Variants in FMN2 observed in about 807,000 individuals in gnomAD.
The protein encoded by FMN2 is formin 2, also known as formin-2.
Under a neutral mutation model 142.3 loss-of-function variants are expected in FMN2, and 51 were observed. That is an observed-to-expected ratio of 0.36 (90% confidence interval 0.29 to 0.45). The LOEUF (loss-of-function observed/expected upper bound fraction) is 0.45. FMN2 is among the 20% of genes least tolerant of loss of function. FMN2 has a pLI of 1.00. For synonymous variants in FMN2, 882 were observed against 869.8 expected (o/e 1.01, Z -0.25); for missense variants, 1,936 against 2,122.8 (o/e 0.91, Z 1.73).
At chr1:240,418,274 A>T (rs1674649776) in intron 15 of FMN2, among the ~76,000 whole-genome samples, 1 of 149,320 alleles carries the variant, frequency 6.7e-6, no homozygotes, top group South Asian at 2.1e-4. Context: ...ATCTCAGCTC[A>T]CTGCAACCTC....
intron 8 of FMN2, among the ~76,000 whole-genome samples, chr1:240,313,337 A>G (rs1290589538): frequency 6.6e-6 from 1 of 152,216 alleles, no homozygotes; most frequent in African/African-American, 2.4e-5. Flanking sequence ...TAATAAATCT[A>G]TATACATAAC....
chr1:240,264,086 C>T (rs1000888783), intron 7 of FMN2, among the ~76,000 whole-genome samples: 5 of 151,946 alleles, frequency 3.3e-5, no homozygotes, highest in African/African-American at 1.2e-4. Context: ...GATTGCTTTC[C>T]CAAACAGTTT....
In FMN2 at chr1:240,453,957, CCG is replaced by C. The variant is rs1676142133; in HGVS notation, c.5060+15749_5060+15750del. Reference sequence around the variant, plus strand: ...TGAGCCGAGATTGCGCCACTGCAGTCCGCAGTCCGGCCTGGGCGACAGAGCGA... The same window carrying C: ...TGAGCCGAGATTGCGCCACTGCAGTCCAGTCCGGCCTGGGCGACAGAGCGA... On this transcript the variant is annotated intron_variant, in intron 16 of 17. Coordinates refer to ENST00000319653, the MANE Select transcript of FMN2 (RefSeq NM_020066.5). Among the ~76,000 whole-genome samples, 2 of 10,132 alleles carry C rather than the reference CCG, an allele frequency of 2.0e-4. 1 individual carries two copies. The highest frequency in any genetic ancestry group is 6.5e-4 in the Non-Finnish European group (2 of 3,076). 6.6% of individuals were successfully genotyped at this position (10,132 alleles called of 152,430 possible).
intron 13 of FMN2, among the ~76,000 whole-genome samples, chr1:240,337,214 T>TC (rs1558440626): frequency 7.0e-6 from 1 of 142,732 alleles, no homozygotes; most frequent in African/African-American, 2.8e-5. Flanking sequence ...TTTTTTTTTT[T>TC]TTTTTTTTTT....
At chr1:240,195,030 T>C (rs1339048218) in intron 4 of FMN2, among the ~76,000 whole-genome samples, 1 of 152,220 alleles carries the variant, frequency 6.6e-6, no homozygotes, top group Non-Finnish European at 1.5e-5. Context: ...CTCTTTATCA[T>C]TATTGTTGTT....
chr1:240,116,423 C>T (rs1571942366), intron 1 of FMN2, among the ~76,000 whole-genome samples: 1 of 152,142 alleles, frequency 6.6e-6, no homozygotes, highest in Non-Finnish European at 1.5e-5. Flanking sequence ...CCAGGAAGCA[C>T]TCCGACATTG....
chr1:240,413,211 A>G (rs139385604), intron 15 of FMN2, among the ~76,000 whole-genome samples: 106 of 151,448 alleles, frequency 7.0e-4, no homozygotes, highest in African/African-American at 2.2e-3. Flanking sequence ...CCCCAACCAA[A>G]TAATCAGGAT....
intron 16 of FMN2, among the ~76,000 whole-genome samples, chr1:240,454,453 GCTCA>G (rs1479479904): frequency 6.6e-6 from 1 of 152,092 alleles, no homozygotes; most frequent in Non-Finnish European, 1.5e-5. Context: ...GAGGCATGAG[GCTCA>G]CTTGAACCCA....
At chr1:240,273,761 C>G (rs890199359) in intron 7 of FMN2, among the ~76,000 whole-genome samples, 6 of 152,018 alleles carry the variant, frequency 3.9e-5, no homozygotes, top group African/African-American at 1.4e-4. Flanking sequence ...TATCTTCTCT[C>G]TGTGATTCAG....
chr1:240,399,793 A>G (rs533812514), intron 15 of FMN2, among the ~76,000 whole-genome samples: 1 of 151,834 alleles, frequency 6.6e-6, no homozygotes, highest in South Asian at 2.1e-4. Flanking sequence ...ATTTTAGGGC[A>G]GAGATTCTAC....
chr1:240,225,586 G>A (rs555011860), intron 6 of FMN2, among the ~76,000 whole-genome samples: 1 of 152,270 alleles, frequency 6.6e-6, no homozygotes, highest in South Asian at 2.1e-4. Flanking sequence ...GCAGGGAAGG[G>A]AAAAATCAAT....
intron 6 of FMN2, among the ~76,000 whole-genome samples, chr1:240,241,991 G>A (rs887418736): frequency 1.1e-4 from 16 of 151,888 alleles, no homozygotes; most frequent in African/African-American, 2.9e-4. Context: ...GACTACAGGT[G>A]CCCGCCACCA....
chr1:240,345,564 G>A (rs1245691493), intron 13 of FMN2, among the ~76,000 whole-genome samples: 2 of 152,056 alleles, frequency 1.3e-5, no homozygotes, highest in Admixed American at 6.5e-5. Context: ...TCTGCCTCCT[G>A]GGTTGAAGCA....
intron 14 of FMN2, among the ~76,000 whole-genome samples, chr1:240,357,244 T>C (rs775539699): frequency 3.3e-5 from 5 of 152,186 alleles, no homozygotes; most frequent in Non-Finnish European, 7.4e-5. Context: ...AAAAAAGCAA[T>C]CAAGCAATTT....
At chr1:240,196,854 G>A (rs555460074) in intron 4 of FMN2, among the ~76,000 whole-genome samples, 76 of 152,250 alleles carry the variant, frequency 5.0e-4, no homozygotes, top group African/African-American at 1.7e-3. Flanking sequence ...AGAAATGATC[G>A]AAAGATGTTC....
At position 240,409,113 on chromosome 1, in the gene FMN2, T is replaced by G. The variant is rs562120003; in HGVS notation, c.4910+16551T>G. 7.8e-4 allele frequency among the ~76,000 whole-genome samples: 119 copies of G among 152,272 alleles called. 1 individual carries two copies. In the South Asian group the frequency reaches 0.016, roughly 20 times the overall value. On this transcript the variant is annotated intron_variant, in intron 15 of 17. Transcript: ENST00000319653. Reference sequence around the variant, plus strand: ...AGCCGTGGTCTCAGATATGAGATTGTAGAGTTTCAACTTCCTTTTCTCTTA... The same window carrying G: ...AGCCGTGGTCTCAGATATGAGATTGGAGAGTTTCAACTTCCTTTTCTCTTA...
chr1:240,168,513 C>T (rs560551717), intron 2 of FMN2, among the ~76,000 whole-genome samples: 88 of 152,278 alleles, frequency 5.8e-4, no homozygotes, highest in Non-Finnish European at 1.1e-3. Flanking sequence ...GGCTTGAACT[C>T]AGGAATTGAA....
chr1:240,420,952 G>T (rs1239139973), intron 15 of FMN2, among the ~76,000 whole-genome samples: 2 of 152,210 alleles, frequency 1.3e-5, no homozygotes, highest in Non-Finnish European at 2.9e-5. Context: ...TAGACCTGAT[G>T]CAGGTCCAAC....
intron 3 of FMN2, among the ~76,000 whole-genome samples, chr1:240,181,301 G>T (rs6679115): frequency 6.6e-6 from 1 of 152,176 alleles, no homozygotes; most frequent in Non-Finnish European, 1.5e-5. Context: ...ACTGCACTGG[G>T]CCTTTTTTCC....
Sources: allele counts gnomAD v4.1 joint callset (sites outside exome capture counted in the v4.1 genomes callset), GRCh38; gene constraint gnomAD v4.1.1; transcripts MANE v1.5; gene names NCBI Gene and HGNC (gene_info 2026-07-23, HGNC 2026-07-21).